The following LONP2 variants were observed in gnomAD, a reference collection of about 807,000 sequenced individuals.
LONP2 encodes lon peptidase 2, peroxisomal.
A neutral mutation model predicts 85.6 loss-of-function variants in LONP2; 60 were observed. The observed-to-expected ratio is 0.70, with a 90% CI of 0.57 to 0.87. LONP2 has a LOEUF of 0.87. LONP2 is among the 40% of genes least tolerant of loss of function. The pLI, the probability that LONP2 is intolerant of heterozygous loss-of-function variation, is 0.00. For synonymous variants in LONP2, 395 were observed against 389.7 expected, an observed-to-expected ratio of 1.01 and a Z score of -0.16; for missense variants, 860 against 1,063.5, an observed-to-expected ratio of 0.81 and a Z score of 2.66.
chr16:48,351,721 C>T lies in LONP2; in HGVS notation c.2478C>T (p.Cys826=). ...RQDLSFVTAS[C]LDEVLNAAFD... is the part of the protein sequence containing the mutation. ...ATTTAAGTTTTGTCACAGCAAGCTG[C>T]CTGGATGAGGTTCTTAATGCAGCTT... Residue 826 remains cysteine, a synonymous_variant, in exon 15 of 15, where the codon TGC becomes TGT. Coordinates refer to ENST00000285737, the MANE Select transcript of LONP2 (RefSeq NM_031490.5). 6.2e-7 allele frequency: 1 copy of T among 1,614,148 alleles called. No individual in the cohort carries two copies. Among genetic ancestry groups the T allele is most frequent in the Non-Finnish European group, 8.5e-7 (1 of 1,180,024 alleles).
At position 48,349,164 on chromosome 16, in the gene LONP2, G is replaced by GTTGT. The variant is rs1344045062; in HGVS notation, c.2337+876_2337+879dup. Among the ~76,000 whole-genome samples, 4 of 151,586 alleles carry GTTGT rather than the reference G, an allele frequency of 2.6e-5. No individual in the cohort carries two copies. The East Asian group carries it at 7.7e-4, about 29-fold the overall frequency. On this transcript the variant is annotated intron_variant, in intron 14 of 14. Coordinates refer to ENST00000285737, the MANE Select transcript of LONP2 (RefSeq NM_031490.5). ...TGTACAGAACTTGAGAGTATTTAAA[G>GTTGT]TTGTTAGTTGAGTATTAGTCTACAA...
intron 14 of LONP2, among the ~76,000 whole-genome samples, chr16:48,349,934 T>C (rs1164649958): frequency 1.3e-5 from 2 of 152,162 alleles, no homozygotes; most frequent in South Asian, 2.1e-4. Context: ...GCACTGACAC[T>C]GGATGTGCAG....
intron 1 of LONP2, among the ~76,000 whole-genome samples, chr16:48,248,730 A>T (rs184696758): frequency 4.9e-4 from 74 of 152,162 alleles, no homozygotes; most frequent in South Asian, 1.5e-3. Context: ...AAAATTTTTT[A>T]AAAGTGGCTG....
chr16:48,360,711 A>G (rs909853262), downstream of LONP2: 7 of 152,668 alleles, frequency 4.6e-5, no homozygotes, highest in African/African-American at 1.7e-4. Context: ...TTTGTCCAAG[A>G]TATCTGAAAA....
At chr16:48,310,311 G>C (rs1973003553) in intron 11 of LONP2, among the ~76,000 whole-genome samples, 1 of 151,606 alleles carries the variant, frequency 6.6e-6, no homozygotes, top group African/African-American at 2.4e-5. Flanking sequence ...TTTTGTTCCA[G>C]TCATAATGTT....
chr16:48,317,082 A>G (rs1419215136), intron 11 of LONP2, among the ~76,000 whole-genome samples: 2 of 152,168 alleles, frequency 1.3e-5, no homozygotes, highest in Non-Finnish European at 2.9e-5. Context: ...TACTCCCAGG[A>G]TGTAGTTCTT....
At chr16:48,334,536 C>T in intron 12 of LONP2, 178 bp downstream of exon 12, 2 of 751,764 alleles carry the variant, frequency 2.7e-6, no homozygotes, top group African/African-American at 1.7e-5. Context: ...CAGTTGACTG[C>T]ATGGGGGCGC....
chr16:48,260,131 A>G (rs1971843975), intron 4 of LONP2, among the ~76,000 whole-genome samples: 1 of 152,216 alleles, frequency 6.6e-6, no homozygotes, highest in Non-Finnish European at 1.5e-5. Flanking sequence ...TAAAAAATAT[A>G]TAATATGTTC....
intron 11 of LONP2, among the ~76,000 whole-genome samples, chr16:48,321,882 G>C (rs557737706): frequency 2.6e-5 from 4 of 152,120 alleles, no homozygotes; most frequent in East Asian, 3.9e-4. Flanking sequence ...GGACATTACT[G>C]TGTATATACT....
At chr16:48,284,749 G>A (rs997104879) in intron 8 of LONP2, among the ~76,000 whole-genome samples, 1 of 152,020 alleles carries the variant, frequency 6.6e-6, no homozygotes, top group African/African-American at 2.4e-5. Context: ...TTATTGCAGT[G>A]GTCTGGAACT....
At chr16:48,248,945 A>G (rs1230614765) in intron 1 of LONP2, among the ~76,000 whole-genome samples, 1 of 151,852 alleles carries the variant, frequency 6.6e-6, no homozygotes, top group Admixed American at 6.6e-5. Context: ...ATATTTACAT[A>G]ATATCCTCAT....
intron 8 of LONP2, among the ~76,000 whole-genome samples, chr16:48,284,568 T>C (rs1170858355): frequency 7.9e-5 from 12 of 152,214 alleles, no homozygotes; most frequent in Admixed American, 7.9e-4. Context: ...CTCAGGTGAT[T>C]AGCATTTTAT....
intron 8 of LONP2, among the ~76,000 whole-genome samples, chr16:48,284,431 G>A (rs550233202): frequency 3.3e-5 from 5 of 152,130 alleles, no homozygotes; most frequent in Non-Finnish European, 7.4e-5. Flanking sequence ...AAATTTTACT[G>A]TTGCCTTATT....
Position 48,305,174 on chromosome 16 carries a change from A to T in LONP2, c.1795+1869A>T, listed in dbSNP as rs180876409. On this transcript the variant is annotated intron_variant, in intron 11 of 14. Coordinates refer to ENST00000285737, the MANE Select transcript of LONP2 (RefSeq NM_031490.5). Reference sequence around the variant, plus strand: ...ATTGGAGGGAGGCAGTGCCTTCATTATGTGGAGTAGGAGTAGAGGTAGTGA... The same window carrying T: ...ATTGGAGGGAGGCAGTGCCTTCATTTTGTGGAGTAGGAGTAGAGGTAGTGA... Among the ~76,000 whole-genome samples the T allele has an allele frequency of 6.3e-4, 96 of 152,338 alleles. No homozygotes were observed. The East Asian group carries it at 9.8e-3, about 16-fold the overall frequency.
chr16:48,299,023 C>T (rs1392268532), intron 9 of LONP2, among the ~76,000 whole-genome samples: 1 of 151,516 alleles, frequency 6.6e-6, no homozygotes, highest in Non-Finnish European at 1.5e-5. Context: ...CCAGAGTAAC[C>T]AGGACTACAG....
chr16:48,331,274 T>C (rs1418176025), intron 11 of LONP2, among the ~76,000 whole-genome samples: 1 of 152,210 alleles, frequency 6.6e-6, no homozygotes, highest in Non-Finnish European at 1.5e-5. Context: ...GTGAGTGCTT[T>C]CCCATCTTTG....
chr16:48,319,319 C>T (rs1036569380), intron 11 of LONP2, among the ~76,000 whole-genome samples: 6 of 151,654 alleles, frequency 4.0e-5, no homozygotes, highest in African/African-American at 1.2e-4. Context: ...AGGTGGAGGT[C>T]GCAGTGAGCC....
chr16:48,286,630 G>A (rs533937545), intron 8 of LONP2, among the ~76,000 whole-genome samples: 3 of 151,704 alleles, frequency 2.0e-5, no homozygotes, highest in African/African-American at 7.2e-5. Flanking sequence ...TCAGCCTCCC[G>A]AGTAGCTGGG....
At chr16:48,290,909 G>C (rs1972546349) in intron 8 of LONP2, among the ~76,000 whole-genome samples, 1 of 152,116 alleles carries the variant, frequency 6.6e-6, no homozygotes, top group South Asian at 2.1e-4. Flanking sequence ...TCTTTCCTGT[G>C]ACCAGCCCAC....
Sources: gnomAD v4.1 joint callset for allele counts (sites outside exome capture counted in the v4.1 genomes callset) on GRCh38, gnomAD v4.1.1 for gene constraint, MANE v1.5 for transcripts, NCBI Gene and HGNC (gene_info 2026-07-23, HGNC 2026-07-21) for gene names.